The following NCAPH2 variants were observed in gnomAD, a reference collection of about 807,000 sequenced individuals.
The protein encoded by NCAPH2 is non-SMC condensin II complex subunit H2.
NCAPH2 carries 56 observed loss-of-function variants against 88.6 expected under a neutral mutation model. The ratio of observed to expected loss-of-function variants is 0.63; its 90% CI spans 0.51 to 0.79. NCAPH2 has a LOEUF of 0.79. NCAPH2 is among the 30% of genes least tolerant of loss of function. NCAPH2 has a pLI of 0.00. For synonymous variants in NCAPH2, 378 were observed against 313.6 expected, an observed-to-expected ratio of 1.21 and a Z score of -2.17; for missense variants, 794 against 792.0, an observed-to-expected ratio of 1.00 and a Z score of -0.03.
chr22:50,524,206 G>C lies in NCAPH2; in HGVS notation c.*831G>C, dbSNP rs761176985. On this transcript the variant is annotated 3_prime_UTR_variant, in exon 20 of 20. Coordinates refer to ENST00000420993, the MANE Select transcript of NCAPH2 (RefSeq NM_152299.4). ...GGCCAGCCAGGCCCCACCGAGTCCA[G>C]CCCCGAACAGGCCTGTGATCAGCAG... is the stretch of plus-strand genomic sequence containing the variant. The C allele has an allele frequency of 6.2e-7, 1 of 1,608,234 alleles. No homozygotes were observed. Among genetic ancestry groups the C allele is most frequent in the Non-Finnish European group, 8.5e-7 (1 of 1,179,938 alleles).
At chr22:50,511,980 G>T (rs1035066353) in intron 1 of NCAPH2, among the ~76,000 whole-genome samples, 6 of 152,166 alleles carry the variant, frequency 3.9e-5, no homozygotes, top group African/African-American at 1.4e-4. Flanking sequence ...TAGAGATGGG[G>T]TTTCACCATG....
chr22:50,518,301 C>A, intron 7 of NCAPH2, 23 bp downstream of exon 7: 1 of 1,607,140 alleles, frequency 6.2e-7, no homozygotes. Context: ...ATGCGGGGGG[C>A]TTGGTGGGAA....
intron 1 of NCAPH2, among the ~76,000 whole-genome samples, chr22:50,515,103 C>T (rs962808726): frequency 2.0e-5 from 3 of 152,240 alleles, no homozygotes; most frequent in Non-Finnish European, 4.4e-5. Context: ...TAATGCTGCT[C>T]ACACAGTTCA....
In NCAPH2 at chr22:50,518,200, G is replaced by A. The variant is rs1297537273; in HGVS notation, c.568G>A (p.Gly190Arg). 1.2e-6 allele frequency: 2 copies of A among 1,614,074 alleles called. No homozygotes were observed. Among genetic ancestry groups the A allele is most frequent in the Non-Finnish European group, 1.7e-6 (2 of 1,180,016 alleles). The change falls in exon 7 of 20, where the codon GGG (glycine) becomes AGG (arginine). Residue 190 changes from glycine to arginine, a missense_variant. Coordinates refer to ENST00000420993, the MANE Select transcript of NCAPH2 (RefSeq NM_152299.4). ...GAACACGTGCGTTCCCCACCCCAGAGGGGCCTTCATGTTGGAGCCAGAGGG... is the reference window on the plus strand; with the variant it reads ...GAACACGTGCGTTCCCCACCCCAGAAGGGCCTTCATGTTGGAGCCAGAGGG... ...RMNTCVPHPR[G>R]AFMLEPEGMS... is the part of the protein sequence containing the mutation.
At position 50,524,315 on chromosome 22, in the gene NCAPH2, G is replaced by A. The variant is rs992456072; in HGVS notation, c.*940G>A. On this transcript the variant is annotated 3_prime_UTR_variant, in exon 20 of 20. Transcript: ENST00000420993. ...TGCCTTGACAAAAGCCAGGACCTCAGATGCAGGGCCTGGCCTCCCAGGGTC... is the reference window on the plus strand; with the variant it reads ...TGCCTTGACAAAAGCCAGGACCTCAAATGCAGGGCCTGGCCTCCCAGGGTC... The A allele has an allele frequency of 3.1e-6, 5 of 1,602,096 alleles. No homozygotes were observed. The highest frequency in any genetic ancestry group is 4.2e-6 in the Non-Finnish European group (5 of 1,179,844).
chr22:50,510,447 A>T (rs1871734609), intron 1 of NCAPH2, among the ~76,000 whole-genome samples: 1 of 151,908 alleles, frequency 6.6e-6, no homozygotes, highest in Non-Finnish European at 1.5e-5. Context: ...TCTTTTTTTG[A>T]GATGGAGTCT....
rs560507976 is a variant in NCAPH2, at chr22:50,518,397, C to T, written c.646+119C>T. ...TTGGGAGCTCCCTGTCTCTGGGTGCCTGCTCTAGTCTAGACAGGTTGGCTG... is the reference window on the plus strand; with the variant it reads ...TTGGGAGCTCCCTGTCTCTGGGTGCTTGCTCTAGTCTAGACAGGTTGGCTG... On this transcript the variant is annotated intron_variant, in intron 7 of 19. Coordinates refer to ENST00000420993, the MANE Select transcript of NCAPH2 (RefSeq NM_152299.4). The T allele has an allele frequency of 4.2e-6, 6 of 1,415,622 alleles. No homozygotes were observed. The African/African-American group carries it at 4.3e-5, about 10-fold the overall frequency. The allele number at this position is 1,415,622 out of a possible 1,614,324, so 87.7% of individuals were successfully genotyped here.
At position 50,517,759 on chromosome 22, in the gene NCAPH2, T is replaced by A; in HGVS notation, c.370T>A (p.Phe124Ile). Residue 124 changes from phenylalanine (F) to isoleucine (I), a missense_variant, in exon 5 of 20, where the codon TTC becomes ATC. Physicochemically the swap from Phe to Ile is conservative, Grantham distance 21. Coordinates refer to ENST00000420993, the MANE Select transcript of NCAPH2 (RefSeq NM_152299.4). ...CCTCCAGTTCCTGTCGCTGGATGAC[T>A]TCCCTGACTCCCGGACTAACGTGGA... The part of the protein sequence containing the change: ...AENEFLSLDD[F>I]PDSRTNVDLK... The A allele has an allele frequency of 5.0e-6, 8 of 1,614,026 alleles. No homozygotes were observed. Among genetic ancestry groups the A allele is most frequent in the Non-Finnish European group, 6.8e-6 (8 of 1,180,036 alleles).
intron 1 of NCAPH2, among the ~76,000 whole-genome samples, chr22:50,512,850 GTTC>G (rs2068821882): frequency 6.6e-6 from 1 of 152,036 alleles, no homozygotes; most frequent in African/African-American, 2.4e-5. Flanking sequence ...TGGCCAGAAT[GTTC>G]TTCTAGTACT....
intron 1 of NCAPH2, among the ~76,000 whole-genome samples, chr22:50,514,306 G>A (rs77737346): frequency 0.024 from 3,705 of 152,122 alleles, 59 homozygotes; most frequent in Middle Eastern, 0.041. Flanking sequence ...AGAGTGGACG[G>A]GAGGGGAGTG....
At chr22:50,519,033 C>T (rs131816) in intron 8 of NCAPH2, among the ~76,000 whole-genome samples, 157 bp from the exon 9 acceptor site, 117,104 of 152,132 alleles carry the variant, frequency 0.77, 45,381 homozygotes, top group East Asian at 0.96. Flanking sequence ...AAGCAGAGCA[C>T]AGAGCACAGG....
intron 10 of NCAPH2, 111 bp downstream of exon 10, chr22:50,521,147 T>TG (rs1353743154): frequency 4.7e-6 from 6 of 1,288,790 alleles, no homozygotes; most frequent in Non-Finnish European, 6.4e-6. Context: ...TCCCAGCCTG[T>TG]GGCCCTTTGC....
intron 9 of NCAPH2, among the ~76,000 whole-genome samples, chr22:50,520,215 C>A (rs2069048134): frequency 6.6e-6 from 1 of 151,454 alleles, no homozygotes; most frequent in Non-Finnish European, 1.5e-5. Context: ...TGTTTTAATA[C>A]CCCCAGAGAG....
At chr22:50,515,741 A>G (rs749001487) in intron 1 of NCAPH2, 2 of 1,298,220 alleles carry the variant, frequency 1.5e-6, no homozygotes, top group South Asian at 2.5e-5. Flanking sequence ...GAGAAGGAAT[A>G]CAGGAGATGA....
chr22:50,521,586 T>C lies in NCAPH2; in HGVS notation c.977T>C (p.Leu326Ser). The change falls in exon 11 of 20, where the codon TTG (leucine) becomes TCG (serine). Residue 326 changes from leucine (L) to serine (S), a missense_variant. Leu to Ser is a moderately radical substitution (Grantham distance 145). Transcript: ENST00000420993. ...PWQSLDPFDS[L>S]ESKPFKKGRP... The stretch of plus-strand genomic sequence containing the variant: ...CAGAGCCTGGACCCCTTTGACTCCT[T>C]GGAGTCTAAGCCCTTCAAGAAAGGT... 1.2e-6 allele frequency: 2 copies of C among 1,613,550 alleles called. No homozygotes were observed. The highest frequency in any genetic ancestry group is 1.7e-6 in the Non-Finnish European group (2 of 1,179,962).
chr22:50,523,223 C>T lies in NCAPH2; in HGVS notation c.1678-12C>T, dbSNP rs373714320. On this transcript the variant is annotated splice_polypyrimidine_tract_variant and intron_variant, in intron 19 of 19. Transcript: ENST00000420993. ...ACGGTCCCCAGACCCTGCTGATGTG[C>T]CACCCCTGCAGGCCAATGACTACAC... 192 of 1,613,106 alleles carry T rather than the reference C, an allele frequency of 1.2e-4. No homozygotes were observed. Among genetic ancestry groups the T allele is most frequent in the Non-Finnish European group, 1.5e-4 (179 of 1,179,784 alleles).
At chr22:50,518,313 GA>G (rs757374741) in intron 7 of NCAPH2, 35 bp downstream of exon 7, 3 of 1,603,564 alleles carry the variant, frequency 1.9e-6, no homozygotes, top group African/African-American at 2.7e-5. Context: ...TGGTGGGAAG[GA>G]AGGGAGGGTC....
chr22:50,523,110 G>A lies in NCAPH2; in HGVS notation c.1621G>A (p.Val541Met), dbSNP rs776321596. ...LNEWCPFAELVAGQPAFEVCR... is the reference protein window; with the variant it reads ...LNEWCPFAELMAGQPAFEVCR... Reference sequence around the variant, plus strand: ...TGAGTGGTGTCCCTTTGCGGAGCTGGTGGCTGGCCAGCCGGCCTTCGAGGT... The same window carrying A: ...TGAGTGGTGTCCCTTTGCGGAGCTGATGGCTGGCCAGCCGGCCTTCGAGGT... The change falls in exon 19 of 20, where the codon GTG becomes ATG. Residue 541 changes from valine to methionine, a missense_variant. This residue lies in a region of NCAPH2 where 735 missense variants were observed against 696.3 expected (regional missense o/e 1.06). Transcript: ENST00000420993. 2 of 1,613,594 alleles carry A rather than the reference G, an allele frequency of 1.2e-6. No homozygotes were observed. Among genetic ancestry groups the A allele is most frequent in the South Asian group, 1.1e-5 (1 of 91,012 alleles).
chr22:50,522,674 C>T lies in NCAPH2; in HGVS notation c.1379C>T (p.Ala460Val). Reference protein sequence around the residue: ...ADPREAADLDAVPMSLSYEEL... With the variant: ...ADPREAADLDVVPMSLSYEEL... ...GCTCACAGCTACCCCTTCCCAGACG[C>T]AGTGCCGATGTCCCTGAGCTACGAG... Residue 460 changes from alanine (A) to valine (V), a missense_variant, in exon 17 of 20, where the codon GCA becomes GTA. Physicochemically the swap from Ala to Val is moderately conservative, Grantham distance 64 (BLOSUM62 0). Coordinates refer to ENST00000420993, the MANE Select transcript of NCAPH2 (RefSeq NM_152299.4). 6.2e-7 allele frequency: 1 copy of T among 1,613,730 alleles called. No homozygotes were observed. Among genetic ancestry groups the T allele is most frequent in the Non-Finnish European group, 8.5e-7 (1 of 1,180,006 alleles).
Sources: gnomAD v4.1 joint callset for allele counts (sites outside exome capture counted in the v4.1 genomes callset) on GRCh38, gnomAD v4.1.1 for gene constraint, gnomAD v4.1.1 regional missense constraint, MANE v1.5 for transcripts, NCBI Gene and HGNC (gene_info 2026-07-23, HGNC 2026-07-21) for gene names.